The following FAM107A variants were observed in gnomAD, a reference collection of about 807,000 sequenced individuals.
FAM107A encodes the protein family with sequence similarity 107 member A.
FAM107A carries 19 observed loss-of-function variants against 13.7 expected under a neutral mutation model. That is an observed-to-expected ratio of 1.38 (90% CI 0.97 to 2.03). The LOEUF (loss-of-function observed/expected upper bound fraction) is 2.03. FAM107A is among the 30% of genes most tolerant of loss of function. The pLI is 0.00. For synonymous variants in FAM107A, 82 were observed against 74.5 expected (o/e 1.10, Z -0.52); for missense variants, 203 against 184.4 (o/e 1.10, Z -0.58).
intron 1 of FAM107A, chr3:58,574,264 G>A (rs1183060163): frequency 6.6e-6 from 1 of 152,160 alleles, no homozygotes; most frequent in Admixed American, 6.5e-5. Context: ...GCTGCATATC[G>A]GCATCACCAC....
chr3:58,615,633 T>C (rs768854983), intron 1 of FAM107A, among the ~76,000 whole-genome samples: 54 of 152,064 alleles, frequency 3.6e-4, no homozygotes, highest in Non-Finnish European at 5.3e-4. Context: ...CAGTGCCTTA[T>C]GCCTGTAATC....
At position 58,607,572 on chromosome 3, in the gene FAM107A, AT is replaced by A. The variant is rs2065807064; in HGVS notation, c.-69-18304del. 7.9e-5 allele frequency: 6 copies of A among 75,898 alleles called. No individual in the cohort carries two copies. In the East Asian group the frequency reaches 7.7e-3, roughly 98 times the overall value. 4.7% of individuals were successfully genotyped at this position (75,898 alleles called of 1,614,324 possible). ...ATGCTAGATGGATTTGTATATGTGCATGTATGTGTGTATACGTGTGCATGTA... is the reference window on the plus strand; with the variant it reads ...ATGCTAGATGGATTTGTATATGTGCAGTATGTGTGTATACGTGTGCATGTA... On this transcript the variant is annotated intron_variant, in intron 1 of 3. Transcript: ENST00000465970.
chr3:58,607,894 A>G (rs1379678392), intron 1 of FAM107A: 1 of 152,234 alleles, frequency 6.6e-6, no homozygotes, highest in East Asian at 1.9e-4. Context: ...ATGAGAACAC[A>G]GTTCAACTCA....
intron 1 of FAM107A, among the ~76,000 whole-genome samples, chr3:58,597,888 T>C (rs2065721168): frequency 1.3e-5 from 2 of 152,252 alleles, no homozygotes; most frequent in Admixed American, 1.3e-4. Context: ...TGAGGCAGTC[T>C]GACTCAGGAG....
At position 58,566,623 on chromosome 3, in the gene FAM107A, T is replaced by A; in HGVS notation, c.400A>T (p.Ile134Phe). 6.2e-7 allele frequency: 1 copy of A among 1,614,000 alleles called. No homozygotes were observed. The highest frequency in any genetic ancestry group is 1.7e-4 in the Middle Eastern group (1 of 6,004). Residue 134 changes from isoleucine to phenylalanine, a missense_variant, in exon 4 of 4, where the codon ATT becomes TTT. Physicochemically the swap from Ile to Phe is conservative, Grantham distance 21. Transcript: ENST00000360997. ...FIKVRENLRRIATLTSEEREL is the reference protein window; with the variant it reads ...FIKVRENLRRFATLTSEEREL ...CTCTCTTCGCTGGTCAGTGTGGCAA[T>A]TCTCCGCAGGTTTTCCCTGACTTTA...
intron 1 of FAM107A, among the ~76,000 whole-genome samples, chr3:58,615,359 A>T (rs1037587832): frequency 7.0e-6 from 1 of 143,432 alleles, no homozygotes; most frequent in African/African-American, 2.5e-5. Context: ...TTCAATGTGC[A>T]TTTAAAACTA....
intron 1 of FAM107A, among the ~76,000 whole-genome samples, chr3:58,622,611 A>G (rs1354818900): frequency 6.6e-6 from 1 of 152,218 alleles, no homozygotes; most frequent in Non-Finnish European, 1.5e-5. Context: ...GAAACTTACA[A>G]GAGCAGGTGG....
rs952396559 is a variant in FAM107A at position 58,613,029 on chromosome 3, C to T, written c.-70+14387G>A. Among the ~76,000 whole-genome samples, 4 of 152,254 alleles carry T rather than the reference C, an allele frequency of 2.6e-5. No individual in the cohort carries two copies. The highest frequency in any genetic ancestry group is 9.6e-5 in the African/African-American group (4 of 41,550). On this transcript the variant is annotated intron_variant, in intron 1 of 3. Coordinates refer to the FAM107A transcript ENST00000465970. This position sits in a 1 kb window ranked among gnomAD's most constrained non-coding sequence, Gnocchi z 4.6. ...TCTACTGCTGTCCTTCCCGTTACCT[C>T]CTCCAATGGGGCTTCAGTCACCACC...
At chr3:58,570,661 G>T (rs1391500131) in intron 1 of FAM107A, among the ~76,000 whole-genome samples, 1 of 124,982 alleles carries the variant, frequency 8.0e-6, no homozygotes, top group Non-Finnish European at 1.8e-5. Flanking sequence ...AAAAAAAAAA[G>T]GCCTCAAAGG....
upstream of FAM107A, among the ~76,000 whole-genome samples, chr3:58,581,911 C>T (rs762349630): frequency 3.3e-5 from 5 of 152,222 alleles, no homozygotes; most frequent in Non-Finnish European, 7.3e-5. Flanking sequence ...TACCCCCATC[C>T]CCAGTACATT....
intron 1 of FAM107A, among the ~76,000 whole-genome samples, chr3:58,614,352 A>G (rs1313970024): frequency 6.6e-6 from 1 of 152,184 alleles, no homozygotes; most frequent in East Asian, 1.9e-4. Flanking sequence ...TTATTATTAT[A>G]AAATGAAGCA....
At chr3:58,627,129 C>G in intron 1 of FAM107A, 1 of 837,688 alleles carries the variant, frequency 1.2e-6, no homozygotes, top group Admixed American at 2.3e-5. Context: ...GGCTCATTCT[C>G]CCAGGCACAA....
chr3:58,589,896 C>T (rs1170243545), upstream of FAM107A, among the ~76,000 whole-genome samples: 5 of 152,278 alleles, frequency 3.3e-5, no homozygotes, highest in Middle Eastern at 3.4e-3. Flanking sequence ...GTTGAGCTCA[C>T]GCCCATGCTG....
At position 58,564,998 on chromosome 3, in the gene FAM107A, T is replaced by C. The variant is rs1163098746; in HGVS notation, c.*1590A>G. The C allele has an allele frequency of 6.6e-6, 1 of 152,232 alleles. No individual in the cohort carries two copies. The highest frequency in any genetic ancestry group is 1.9e-4 in the East Asian group (1 of 5,202). The allele number at this position is 152,232 out of a possible 1,614,324, so 9.4% of individuals were successfully genotyped here. On this transcript the variant is annotated 3_prime_UTR_variant, in exon 4 of 4. Transcript: ENST00000360997. The surrounding 1 kb of genome is among the most constrained non-coding windows in gnomAD (Gnocchi z 5.6). The stretch of plus-strand genomic sequence containing the variant: ...ATCCCTTTCCTCCGACAGTCCCACG[T>C]TTGCTTCCAGGAATCAAAGAGCATG...
At chr3:58,572,308 C>A (rs2108044947) in intron 1 of FAM107A, among the ~76,000 whole-genome samples, 1 of 152,244 alleles carries the variant, frequency 6.6e-6, no homozygotes, top group Non-Finnish European at 1.5e-5. Flanking sequence ...ACAGTCAGCA[C>A]ACACACAAGC....
intron 1 of FAM107A, among the ~76,000 whole-genome samples, chr3:58,595,357 CAGA>C (rs1007369461): frequency 3.9e-5 from 6 of 152,210 alleles, no homozygotes; most frequent in South Asian, 2.1e-4. Flanking sequence ...TGAAGATCCA[CAGA>C]AGAAGTGAAA....
intron 1 of FAM107A, among the ~76,000 whole-genome samples, chr3:58,586,042 C>T (rs1171522330): frequency 6.6e-6 from 1 of 152,204 alleles, no homozygotes. Context: ...GTTGCATGCA[C>T]ACATATAGAA....
chr3:58,620,549 G>A (rs2065944494), intron 1 of FAM107A, among the ~76,000 whole-genome samples: 1 of 152,246 alleles, frequency 6.6e-6, no homozygotes, highest in Non-Finnish European at 1.5e-5. Flanking sequence ...CTCCTAAGCT[G>A]GGCTTCCAGC....
chr3:58,622,222 T>G (rs1175163104), intron 1 of FAM107A, among the ~76,000 whole-genome samples: 1 of 152,124 alleles, frequency 6.6e-6, no homozygotes, highest in Admixed American at 6.5e-5. Flanking sequence ...GTGGATCACT[T>G]GAGGTCAGGA....
Sources: allele counts gnomAD v4.1 joint callset (sites outside exome capture counted in the v4.1 genomes callset), GRCh38; gene constraint gnomAD v4.1.1; non-coding constraint Gnocchi (gnomAD v3.1); transcripts MANE v1.5; gene names NCBI Gene and HGNC (gene_info 2026-07-23, HGNC 2026-07-21).